The following STEAP2 variants were observed in gnomAD, a reference collection of about 807,000 sequenced individuals.
STEAP2 encodes metalloreductase STEAP2.
A neutral mutation model predicts 46.4 loss-of-function variants in STEAP2; 30 were observed. The ratio of observed to expected loss-of-function variants is 0.65; its 90% CI spans 0.48 to 0.88. The LOEUF is 0.88. STEAP2 is among the 40% of genes least tolerant of loss of function. STEAP2 has a pLI of 0.00. For synonymous variants in STEAP2, 180 were observed against 200.5 expected, an observed-to-expected ratio of 0.90 and a Z score of 0.86; for missense variants, 513 against 579.3, an observed-to-expected ratio of 0.89 and a Z score of 1.18.
intron 5 of STEAP2, 114 bp downstream of exon 5, chr7:90,230,150 G>A: frequency 6.6e-7 from 1 of 1,514,664 alleles, no homozygotes; most frequent in Non-Finnish European, 8.8e-7. Context: ...CTGTATTTAT[G>A]CATCTAGATA....
chr7:90,213,492 G>A (rs1489159573), intron 1 of STEAP2, among the ~76,000 whole-genome samples: 3 of 152,216 alleles, frequency 2.0e-5, no homozygotes, highest in Non-Finnish European at 4.4e-5. Context: ...CCAGGACATT[G>A]AGGTAACTGA....
rs1795513754 is a variant in STEAP2 at position 90,226,972 on chromosome 7, T to C, written c.494T>C (p.Val165Ala). ...TGAGTCTTTTTGTTTTTTCCACAGG[T>C]TTATATATGCAGCAACAATATTCAA... ...QLGPKDASRQVYICSNNIQAR... is the reference protein window; with the variant it reads ...QLGPKDASRQAYICSNNIQAR... The change falls in exon 4 of 6, where the codon GTT becomes GCT. Residue 165 changes from valine to alanine, a missense_variant and splice_region_variant. By Grantham distance (64) the Val-to-Ala change is moderately conservative. Coordinates refer to ENST00000394621, the MANE Select transcript of STEAP2 (RefSeq NM_001244944.2). 2 of 1,577,222 alleles carry C rather than the reference T, an allele frequency of 1.3e-6. No individual in the cohort carries two copies. Among genetic ancestry groups the C allele is most frequent in the South Asian group, 2.4e-5 (2 of 83,324 alleles).
chr7:90,217,824 G>C (rs886316694), intron 2 of STEAP2, among the ~76,000 whole-genome samples: 2 of 151,492 alleles, frequency 1.3e-5, no homozygotes, highest in Non-Finnish European at 2.9e-5. Flanking sequence ...TCCATTTTTA[G>C]TCTTTTGAGA....
rs941851179 is a variant in STEAP2, at chr7:90,233,798, A to G, written c.*1174A>G. 6 of 985,292 alleles carry G rather than the reference A, an allele frequency of 6.1e-6. No individual in the cohort carries two copies. In the African/African-American group the frequency reaches 8.7e-5, roughly 14 times the overall value. 61.0% of individuals were successfully genotyped at this position (985,292 alleles called of 1,614,324 possible). Reference sequence around the variant, plus strand: ...CGCCGCGCCCCTATGCATTATGTTCACAATGCCAATCTAGATGCTTCCTCT... The same window carrying G: ...CGCCGCGCCCCTATGCATTATGTTCGCAATGCCAATCTAGATGCTTCCTCT... On this transcript the variant is annotated 3_prime_UTR_variant, in exon 6 of 6. Coordinates refer to ENST00000394621, the MANE Select transcript of STEAP2 (RefSeq NM_001244944.2).
intron 2 of STEAP2, among the ~76,000 whole-genome samples, chr7:90,220,614 C>T (rs1379228656): frequency 1.3e-5 from 2 of 151,926 alleles, no homozygotes; most frequent in African/African-American, 4.8e-5. Context: ...TTTTTTAAGT[C>T]CCAATTTGTC....
intron 5 of STEAP2, among the ~76,000 whole-genome samples, chr7:90,230,399 G>A (rs1158925241): frequency 6.6e-6 from 1 of 151,870 alleles, no homozygotes; most frequent in African/African-American, 2.4e-5. Context: ...TTTATGTTTT[G>A]AGTCATCTTG....
chr7:90,217,785 G>C (rs1215674466), intron 2 of STEAP2, among the ~76,000 whole-genome samples: 2 of 151,538 alleles, frequency 1.3e-5, no homozygotes, highest in African/African-American at 4.8e-5. Flanking sequence ...ATAATACCCG[G>C]TAGTGAGATT....
intron 2 of STEAP2, among the ~76,000 whole-genome samples, chr7:90,217,662 C>T (rs1436849336): frequency 1.5e-5 from 2 of 132,276 alleles, no homozygotes; most frequent in Non-Finnish European, 3.1e-5. Flanking sequence ...TGTTGATGGA[C>T]ATGTAGATTG....
downstream of STEAP2, among the ~76,000 whole-genome samples, chr7:90,242,576 T>G (rs1466521555): frequency 6.6e-6 from 1 of 152,220 alleles, no homozygotes; most frequent in East Asian, 1.9e-4. Context: ...CATCTTGGTT[T>G]GGGGTGCCAT....
At position 90,236,062 on chromosome 7, in the gene STEAP2, G is replaced by A; in HGVS notation, c.*3438G>A. The stretch of plus-strand genomic sequence containing the variant: ...TACAATCAAATTATAGAAATTACTT[G>A]TGTAAAAGGGCTTCAAGAATATATC... On this transcript the variant is annotated 3_prime_UTR_variant, in exon 6 of 6. Transcript: ENST00000394621. 2.7e-6 allele frequency: 2 copies of A among 739,742 alleles called. No homozygotes were observed. Among genetic ancestry groups the A allele is most frequent in the Non-Finnish European group, 3.3e-6 (2 of 606,462 alleles). 45.8% of individuals were successfully genotyped at this position (739,742 alleles called of 1,614,324 possible).
chr7:90,216,024 TTC>T (rs1794997716), intron 1 of STEAP2: 1 of 152,168 alleles, frequency 6.6e-6, no homozygotes, highest in African/African-American at 2.4e-5. Context: ...ATCCACCTGC[TTC>T]GGCCTCCCAA....
Position 90,225,218 on chromosome 7 carries a change from A to G in STEAP2, c.136A>G (p.Thr46Ala). Residue 46 changes from threonine (T) to alanine (A), a missense_variant, in exon 3 of 6, where the codon ACC (threonine) becomes GCC (alanine). Coordinates refer to ENST00000394621, the MANE Select transcript of STEAP2 (RefSeq NM_001244944.2). ...IGSGDFAKSL[T>A]IRLIRCGYHV... ...AAGTGGAGATTTTGCCAAATCCTTGACCATTCGACTTATTAGATGCGGCTA... is the reference window on the plus strand; with the variant it reads ...AAGTGGAGATTTTGCCAAATCCTTGGCCATTCGACTTATTAGATGCGGCTA... 1 of 1,614,010 alleles carries G rather than the reference A, an allele frequency of 6.2e-7. No individual in the cohort carries two copies. The highest frequency in any genetic ancestry group is 8.5e-7 in the Non-Finnish European group (1 of 1,179,962).
Position 90,232,348 on chromosome 7 carries a change from A to G in STEAP2, c.1197A>G (p.Gly399=), listed in dbSNP as rs747356311. The G allele has an allele frequency of 6.2e-7, 1 of 1,602,128 alleles. No homozygotes were observed. The highest frequency in any genetic ancestry group is 1.7e-5 in the Admixed American group (1 of 59,142). ...REFSFIQSTL[G]YVALLISTFH... ...TCTCCTGGCCCAAGTCTACACTTGG[A>G]TATGTCGCTCTGCTCATAAGTACTT... The change falls in exon 6 of 6, where the codon GGA becomes GGG. Residue 399 remains glycine (G), a synonymous_variant. Coordinates refer to ENST00000394621, the MANE Select transcript of STEAP2 (RefSeq NM_001244944.2).
At chr7:90,243,188 A>G in the STEAP2 span, among the ~76,000 whole-genome samples, 2 of 152,194 alleles carry the variant, frequency 1.3e-5, no homozygotes, top group Non-Finnish European at 2.9e-5. Flanking sequence ...GAAATATTCA[A>G]CGTCTGAGGC....
intron 2 of STEAP2, among the ~76,000 whole-genome samples, chr7:90,220,030 G>A (rs1363377938): frequency 6.6e-6 from 1 of 152,104 alleles, no homozygotes; most frequent in East Asian, 1.9e-4. Flanking sequence ...TCTGGCCCTT[G>A]GTTTGCTAGT....
rs1240616740 is a variant in STEAP2, at chr7:90,236,891, A to C, written c.*4267A>C. The C allele has an allele frequency of 6.2e-7, 1 of 1,614,010 alleles. No homozygotes were observed. Among genetic ancestry groups the C allele is most frequent in the South Asian group, 1.1e-5 (1 of 91,036 alleles). On this transcript the variant is annotated 3_prime_UTR_variant, in exon 6 of 6. Transcript: ENST00000394621. ...TATTCTCTTGAAATTGTCTTTAAAG[A>C]TCTTTTGCAGCTTTGCAGATACCCA...
At position 90,232,358 on chromosome 7, in the gene STEAP2, C is replaced by A; in HGVS notation, c.1207C>A (p.Leu403Met). 1 of 1,608,000 alleles carries A rather than the reference C, an allele frequency of 6.2e-7. No homozygotes were observed. The highest frequency in any genetic ancestry group is 1.1e-5 in the South Asian group (1 of 90,122). ...FIQSTLGYVALLISTFHVLIY... is the reference protein window; with the variant it reads ...FIQSTLGYVAMLISTFHVLIY... ...CAAGTCTACACTTGGATATGTCGCT[C>A]TGCTCATAAGTACTTTCCATGTTTT... The change falls in exon 6 of 6, where the codon CTG becomes ATG. Residue 403 changes from leucine to methionine, a missense_variant. Leu to Met is a conservative substitution (Grantham distance 15). Transcript: ENST00000394621.
At position 90,235,112 on chromosome 7, in the gene STEAP2, T is replaced by C; in HGVS notation, c.*2488T>C. ...ATATTCCTAAAAGTTAAATGACTAT[T>C]AAAGCATATATTGTTGCATGTATAT... On this transcript the variant is annotated 3_prime_UTR_variant, in exon 6 of 6. Transcript: ENST00000394621. The C allele has an allele frequency of 7.4e-6, 7 of 942,380 alleles. No individual in the cohort carries two copies. Among genetic ancestry groups the C allele is most frequent in the Non-Finnish European group, 8.9e-6 (7 of 790,578 alleles). 58.4% of individuals were successfully genotyped at this position (942,380 alleles called of 1,614,324 possible).
At chr7:90,238,811 C>T (rs538436339), downstream of STEAP2, among the ~76,000 whole-genome samples, 2 of 152,244 alleles carry the variant, frequency 1.3e-5, no homozygotes, top group Non-Finnish European at 2.9e-5. Context: ...CAAATGATGA[C>T]TTTGAGAAAG....
Sources: allele counts gnomAD v4.1 joint callset (sites outside exome capture counted in the v4.1 genomes callset), GRCh38; gene constraint gnomAD v4.1.1; transcripts MANE v1.5; gene names NCBI Gene and HGNC (gene_info 2026-07-23, HGNC 2026-07-21).